The following EDC3 variants were observed in gnomAD, a reference collection of about 807,000 sequenced individuals.
EDC3 encodes the protein enhancer of mRNA-decapping protein 3.
A neutral mutation model predicts 41.8 loss-of-function variants in EDC3; 20 were observed. That is an observed-to-expected ratio of 0.48 (90% CI 0.34 to 0.70). The LOEUF is 0.70. Ranked by LOEUF, EDC3 falls within the 30% of genes least tolerant of loss-of-function variation. The pLI, the probability that EDC3 is intolerant of heterozygous loss-of-function variation, is 0.01. For synonymous variants in EDC3, 206 were observed against 243.2 expected (o/e 0.85, Z 1.42); for missense variants, 444 against 636.8 (o/e 0.70, Z 3.26).
chr15:74,674,876 G>A lies in EDC3; in HGVS notation c.164+85C>T. The A allele has an allele frequency of 2.0e-6, 3 of 1,506,672 alleles. No homozygotes were observed. In the South Asian group the frequency reaches 3.4e-5, roughly 17 times the overall value. The allele number at this position is 1,506,672 out of a possible 1,614,324, so 93.3% of individuals were successfully genotyped here. A position where few individuals can be genotyped will look rare whatever the true frequency, so the allele number is the denominator to read the frequency against. ...CTAAAAATACAAAAAGCGGCCATAT[G>A]CCAAGAGAATACTAGCAATCAGACC... On this transcript the variant is annotated intron_variant, in intron 2 of 6. Coordinates refer to ENST00000315127, the MANE Select transcript of EDC3 (RefSeq NM_025083.5).
intron 3 of EDC3, 21 bp from the exon 4 acceptor site, chr15:74,656,089 A>G: frequency 6.3e-7 from 1 of 1,595,168 alleles, no homozygotes. Flanking sequence ...AATAGGGACT[A>G]AAGTCAGTGT....
intron 6 of EDC3, chr15:74,634,963 T>A (rs2062253469): frequency 2.4e-6 from 1 of 415,494 alleles, no homozygotes; most frequent in African/African-American, 2.0e-5. Flanking sequence ...CATCATGACC[T>A]GACCCTGAAA....
At chr15:74,683,022 C>A in intron 1 of EDC3, among the ~76,000 whole-genome samples, 1 of 151,310 alleles carries the variant, frequency 6.6e-6, no homozygotes, top group African/African-American at 2.4e-5. Context: ...AACTCTGTCT[C>A]AGAAAAAAAA....
At chr15:74,678,401 A>G (rs1181152059) in intron 1 of EDC3, among the ~76,000 whole-genome samples, 3 of 152,208 alleles carry the variant, frequency 2.0e-5, no homozygotes, top group African/African-American at 7.2e-5. Context: ...TGCTCTAAAA[A>G]ATAAAGTCTA....
At chr15:74,650,689 A>G (rs891739909) in intron 4 of EDC3, among the ~76,000 whole-genome samples, 1 of 152,186 alleles carries the variant, frequency 6.6e-6, no homozygotes, top group Non-Finnish European at 1.5e-5. Flanking sequence ...GTCTTAAAGT[A>G]TTTCCTTTAG....
chr15:74,653,644 A>G (rs1342711914), intron 4 of EDC3, among the ~76,000 whole-genome samples: 1 of 152,188 alleles, frequency 6.6e-6, no homozygotes. Context: ...TGGTCACTAC[A>G]TACCACAAGA....
chr15:74,633,033 G>T (rs2062231373), intron 6 of EDC3, 87 bp from the exon 7 acceptor site: 1 of 1,381,434 alleles, frequency 7.2e-7, no homozygotes, highest in Non-Finnish European at 9.9e-7. Flanking sequence ...CCCCAAGGGT[G>T]TCTTTGTTTT....
At chr15:74,663,450 T>G (rs1475540729) in intron 3 of EDC3, among the ~76,000 whole-genome samples, 1 of 152,070 alleles carries the variant, frequency 6.6e-6, no homozygotes, top group Non-Finnish European at 1.5e-5. Flanking sequence ...GCATCCCTAA[T>G]CCAAACATCC....
chr15:74,670,474 G>A (rs1341235088), intron 3 of EDC3, among the ~76,000 whole-genome samples: 1 of 151,906 alleles, frequency 6.6e-6, no homozygotes, highest in Non-Finnish European at 1.5e-5. Context: ...TCGCTCTATC[G>A]CCCAGGCTGG....
At chr15:74,647,416 A>G (rs2062430839) in intron 4 of EDC3, among the ~76,000 whole-genome samples, 1 of 152,182 alleles carries the variant, frequency 6.6e-6, no homozygotes, top group Admixed American at 6.5e-5. Flanking sequence ...GGAATGACCA[A>G]TGGGCAGTTT....
At chr15:74,687,182 G>T (rs2062948286) in intron 1 of EDC3, 2 of 151,122 alleles carry the variant, frequency 1.3e-5, no homozygotes, top group African/African-American at 4.9e-5. Flanking sequence ...GCAAGACCCT[G>T]TCTCAAAAAA....
chr15:74,685,982 C>G (rs1171536203), intron 1 of EDC3, among the ~76,000 whole-genome samples: 1 of 152,044 alleles, frequency 6.6e-6, no homozygotes, highest in African/African-American at 2.4e-5. Flanking sequence ...CACATGAGGT[C>G]AGGAGTTCGA....
chr15:74,649,955 A>C (rs139769037), intron 4 of EDC3, among the ~76,000 whole-genome samples: 3 of 152,106 alleles, frequency 2.0e-5, no homozygotes, highest in African/African-American at 7.2e-5. Context: ...CCTGCCTCAC[A>C]GGTTCAATAC....
chr15:74,670,010 ATTTTTTT>A (rs757043746), intron 3 of EDC3, among the ~76,000 whole-genome samples: 15 of 116,402 alleles, frequency 1.3e-4, no homozygotes, highest in Middle Eastern at 4.5e-3. Flanking sequence ...CGCCCAGCTA[ATTTTTTT>A]TTTTTTTTTT....
intron 4 of EDC3, among the ~76,000 whole-genome samples, chr15:74,652,059 C>T (rs2062486866): frequency 6.6e-6 from 1 of 152,198 alleles, no homozygotes; most frequent in Non-Finnish European, 1.5e-5. Context: ...ATCATACCTG[C>T]ATATCGCTAG....
chr15:74,631,849 C>A lies in EDC3; in HGVS notation c.*763G>T. 6.5e-6 allele frequency: 1 copy of A among 153,106 alleles called. No individual in the cohort carries two copies. Among genetic ancestry groups the A allele is most frequent in the African/African-American group, 2.4e-5 (1 of 41,584 alleles). 9.5% of individuals were successfully genotyped at this position (153,106 alleles called of 1,614,324 possible). ...GCTTTGAGGGTGGGGGCGGGCACTG[C>A]TGGCAAGATGGGCACTGTGGTTCTA... On this transcript the variant is annotated 3_prime_UTR_variant, in exon 7 of 7. Coordinates refer to ENST00000315127, the MANE Select transcript of EDC3 (RefSeq NM_025083.5).
At chr15:74,640,352 G>C in intron 5 of EDC3, 114 bp downstream of exon 5, 1 of 1,225,902 alleles carries the variant, frequency 8.2e-7, no homozygotes, top group East Asian at 2.4e-5. Context: ...ACTCCCATCA[G>C]ATGAGCAGAA....
intron 6 of EDC3, among the ~76,000 whole-genome samples, chr15:74,633,298 C>T (rs1005276811): frequency 2.0e-5 from 3 of 152,238 alleles, no homozygotes; most frequent in African/African-American, 7.2e-5. Context: ...ATGCCCTGGG[C>T]ACCTTATGAC....
chr15:74,649,865 G>T (rs372525137), intron 4 of EDC3, among the ~76,000 whole-genome samples: 13 of 151,044 alleles, frequency 8.6e-5, no homozygotes, highest in African/African-American at 2.4e-4. Context: ...AAAAAAGGGG[G>T]GGGGGGTCAC....
Sources: gnomAD v4.1 joint callset for allele counts (sites outside exome capture counted in the v4.1 genomes callset) on GRCh38, gnomAD v4.1.1 for gene constraint, MANE v1.5 for transcripts, NCBI Gene and HGNC (gene_info 2026-07-23, HGNC 2026-07-21) for gene names.